The following TMEM232 variants were observed in gnomAD, a reference collection of about 807,000 sequenced individuals.
TMEM232 encodes the protein transmembrane protein 232.
TMEM232 carries 80 observed loss-of-function variants against 78.8 expected under a neutral mutation model. That is an observed-to-expected ratio of 1.01 (90% CI 0.85 to 1.22). The LOEUF is 1.22. TMEM232 is among the 50% of genes most tolerant of loss of function. The pLI, the probability that TMEM232 is intolerant of heterozygous loss-of-function variation, is 0.00. For synonymous variants in TMEM232, 297 were observed against 254.3 expected, an observed-to-expected ratio of 1.17 and a Z score of -1.60; for missense variants, 881 against 742.2, an observed-to-expected ratio of 1.19 and a Z score of -2.17.
chr5:110,406,279 C>T (rs866406010), intron 2 of TMEM232, among the ~76,000 whole-genome samples: 1,837 of 150,546 alleles, frequency 0.012, 40 homozygotes, highest in African/African-American at 0.041. Context: ...CACACACACA[C>T]ACACACACAC....
At chr5:110,506,960 T>C (rs1188333770) in intron 12 of TMEM232, among the ~76,000 whole-genome samples, 1 of 152,186 alleles carries the variant, frequency 6.6e-6, no homozygotes, top group East Asian at 1.9e-4. Flanking sequence ...AACTTTATCA[T>C]ACTCCTGAAC....
chr5:110,561,162 T>G (rs546059914), intron 11 of TMEM232, among the ~76,000 whole-genome samples: 1 of 152,238 alleles, frequency 6.6e-6, no homozygotes, highest in African/African-American at 2.4e-5. Flanking sequence ...TAGATTTTCT[T>G]AAAATAACTC....
intron 2 of TMEM232, among the ~76,000 whole-genome samples, chr5:110,414,479 G>A (rs1284020516): frequency 6.6e-6 from 1 of 152,144 alleles, no homozygotes; most frequent in Non-Finnish European, 1.5e-5. Flanking sequence ...TCATATATAT[G>A]TTGCAAAGAG....
At chr5:110,594,118 T>A (rs866616440) in intron 10 of TMEM232, among the ~76,000 whole-genome samples, 2 of 151,768 alleles carry the variant, frequency 1.3e-5, no homozygotes, top group South Asian at 2.1e-4. Flanking sequence ...GTTCATCTCA[T>A]TGGGACTGGT....
At chr5:110,623,422 C>T (rs1420486781) in intron 7 of TMEM232, among the ~76,000 whole-genome samples, 2 of 152,066 alleles carry the variant, frequency 1.3e-5, no homozygotes, top group Non-Finnish European at 2.9e-5. Context: ...ATGATAAGGG[C>T]TACAGGAATA....
At chr5:110,509,305 T>A (rs976663929) in intron 12 of TMEM232, among the ~76,000 whole-genome samples, 1 of 151,852 alleles carries the variant, frequency 6.6e-6, no homozygotes, top group South Asian at 2.1e-4. Context: ...TGTGGTGGTG[T>A]GTGCCTGTAC....
chr5:110,625,936 T>C (rs1378268683), intron 6 of TMEM232, among the ~76,000 whole-genome samples: 2 of 151,980 alleles, frequency 1.3e-5, no homozygotes, highest in East Asian at 1.9e-4. Context: ...CACCACATTA[T>C]ATTTAACAGA....
intron 11 of TMEM232, among the ~76,000 whole-genome samples, chr5:110,545,720 A>C (rs1478317095): frequency 6.6e-6 from 1 of 152,148 alleles, no homozygotes; most frequent in Non-Finnish European, 1.5e-5. Context: ...TTGCACCATA[A>C]AATGTTAACC....
At chr5:110,454,443 C>T (rs1333132956) in intron 12 of TMEM232, among the ~76,000 whole-genome samples, 1 of 151,806 alleles carries the variant, frequency 6.6e-6, no homozygotes, top group Admixed American at 6.6e-5. Context: ...ATAATTGCAC[C>T]TGTGAATAGC....
intron 1 of TMEM232, among the ~76,000 whole-genome samples, chr5:110,686,272 GTT>G (rs1793393566): frequency 6.6e-6 from 1 of 152,038 alleles, no homozygotes; most frequent in Non-Finnish European, 1.5e-5. Context: ...CAGCCTTACA[GTT>G]TGCTCCTGGG....
intron 1 of TMEM232, among the ~76,000 whole-genome samples, chr5:110,698,808 A>T (rs73228171): frequency 0.03 from 4,607 of 152,210 alleles, 240 homozygotes; most frequent in African/African-American, 0.11. Flanking sequence ...GCATTGCTGC[A>T]GTTAAAATGG....
chr5:110,496,709 C>A (rs2149433028), intron 12 of TMEM232, among the ~76,000 whole-genome samples: 1 of 152,010 alleles, frequency 6.6e-6, no homozygotes, highest in Admixed American at 6.6e-5. Flanking sequence ...ATCTTGGAAA[C>A]AACAGAGTTA....
At chr5:110,429,319 T>A (rs768836880) in intron 12 of TMEM232, among the ~76,000 whole-genome samples, 1 of 151,832 alleles carries the variant, frequency 6.6e-6, no homozygotes, top group Non-Finnish European at 1.5e-5. Flanking sequence ...CATGAAAAGA[T>A]ACATATAGGA....
At chr5:110,445,301 A>G (rs1759526497) in intron 12 of TMEM232, among the ~76,000 whole-genome samples, 1 of 152,072 alleles carries the variant, frequency 6.6e-6, no homozygotes, top group South Asian at 2.1e-4. Flanking sequence ...ACACATAATA[A>G]ATTACATATG....
chr5:110,577,986 G>T (rs1777762484), intron 10 of TMEM232, among the ~76,000 whole-genome samples: 1 of 151,778 alleles, frequency 6.6e-6, no homozygotes, highest in Admixed American at 6.6e-5. Context: ...CATGACACAA[G>T]TTTACCTATG....
intron 13 of TMEM232, among the ~76,000 whole-genome samples, chr5:110,421,788 G>T (rs1199681416): frequency 5.3e-5 from 8 of 152,090 alleles, no homozygotes; most frequent in African/African-American, 1.4e-4. Flanking sequence ...CATTAAAATT[G>T]TGTATAATGT....
intron 12 of TMEM232, among the ~76,000 whole-genome samples, chr5:110,433,034 G>C (rs192340934): frequency 6.6e-6 from 1 of 151,836 alleles, no homozygotes; most frequent in African/African-American, 2.4e-5. Context: ...CAAAATAATA[G>C]TGGTGTACTT....
In TMEM232 at chr5:110,627,804, A is replaced by G; in HGVS notation, c.578T>C (p.Leu193Pro). 6.5e-7 allele frequency: 1 copy of G among 1,528,506 alleles called. No individual in the cohort carries two copies. Among genetic ancestry groups the G allele is most frequent in the Non-Finnish European group, 8.8e-7 (1 of 1,138,826 alleles). The allele number at this position is 1,528,506 out of a possible 1,614,324, so 94.7% of individuals were successfully genotyped here. A position where few individuals can be genotyped will look rare whatever the true frequency, so the allele number is the denominator to read the frequency against. Residue 193 changes from leucine to proline, a missense_variant, in exon 6 of 14, where the codon CTT becomes CCT. Physicochemically the swap from Leu to Pro is moderately conservative, Grantham distance 98. Transcript: ENST00000455884. Reference sequence around the variant, plus strand: ...ACCGTATAAATATGGTTGAAGCCTAAGTAAATGTTGTTTAAAACTTTCTAG... The same window carrying G: ...ACCGTATAAATATGGTTGAAGCCTAGGTAAATGTTGTTTAAAACTTTCTAG... ...GHLESFKQHL[L>P]RLQPYLYALS...
At chr5:110,718,909 GA>G (rs1797295376) in intron 1 of TMEM232, among the ~76,000 whole-genome samples, 1 of 151,878 alleles carries the variant, frequency 6.6e-6, no homozygotes, top group South Asian at 2.1e-4. Context: ...TTCAACTCCA[GA>G]ATTTCCATTT....
Sources: allele counts gnomAD v4.1 joint callset (sites outside exome capture counted in the v4.1 genomes callset), GRCh38; gene constraint gnomAD v4.1.1; transcripts MANE v1.5; gene names NCBI Gene and HGNC (gene_info 2026-07-23, HGNC 2026-07-21).